Variants in DYM observed in about 807,000 individuals in gnomAD.
DYM encodes the protein dyggve-Melchior-Clausen syndrome protein.
A neutral mutation model predicts 93.1 loss-of-function variants in DYM; 78 were observed. That is an observed-to-expected ratio of 0.84 (90% CI 0.70 to 1.01). The LOEUF is 1.01. Ranked by LOEUF, DYM falls within the 50% of genes least tolerant of loss-of-function variation. The pLI is 0.00. For synonymous variants in DYM, 321 were observed against 319.7 expected (o/e 1.00, Z -0.04); for missense variants, 789 against 845.0 (o/e 0.93, Z 0.82).
intron 14 of DYM, among the ~76,000 whole-genome samples, chr18:49,187,050 G>A (rs910631902): frequency 3.3e-5 from 5 of 151,508 alleles, no homozygotes; most frequent in South Asian, 2.1e-4. Context: ...CGTCCGAGTA[G>A]CTGGGACTAT....
intron 16 of DYM, among the ~76,000 whole-genome samples, chr18:49,102,006 T>G (rs1355936342): frequency 2.6e-5 from 4 of 152,232 alleles, no homozygotes; most frequent in African/African-American, 9.6e-5. Flanking sequence ...TGTAGCATGA[T>G]GCAGTGGTTT....
intron 15 of DYM, among the ~76,000 whole-genome samples, chr18:49,131,140 C>A (rs2083346382): frequency 6.6e-6 from 1 of 152,136 alleles, no homozygotes; most frequent in African/African-American, 2.4e-5. Flanking sequence ...AAAATGCTAA[C>A]CCGAAACAAG....
chr18:49,445,230 G>T (rs1348369044), intron 1 of DYM, among the ~76,000 whole-genome samples: 1 of 151,964 alleles, frequency 6.6e-6, no homozygotes, highest in Non-Finnish European at 1.5e-5. Context: ...TTTATGATTT[G>T]GTCCTTTAGA....
intron 6 of DYM, among the ~76,000 whole-genome samples, chr18:49,334,634 A>G (rs1427529432): frequency 6.6e-6 from 1 of 152,220 alleles, no homozygotes; most frequent in Non-Finnish European, 1.5e-5. Flanking sequence ...AAAAAGAGCA[A>G]TAGCACCAAA....
intron 17 of DYM, among the ~76,000 whole-genome samples, chr18:49,068,145 T>C (rs566682325): frequency 1.3e-5 from 2 of 152,296 alleles, no homozygotes; most frequent in East Asian, 3.9e-4. Context: ...TGTGGACTGA[T>C]ATTAACAGTT....
At chr18:49,138,500 C>T (rs1276022418) in intron 15 of DYM, among the ~76,000 whole-genome samples, 1 of 152,178 alleles carries the variant, frequency 6.6e-6, no homozygotes, top group Non-Finnish European at 1.5e-5. Flanking sequence ...GTCTCTGTTT[C>T]ACTGTAATTT....
chr18:49,280,612 G>T (rs1166915407), intron 10 of DYM, among the ~76,000 whole-genome samples: 1 of 152,192 alleles, frequency 6.6e-6, no homozygotes, highest in Non-Finnish European at 1.5e-5. Flanking sequence ...ATGCTGTCAA[G>T]CCAGCCAGGG....
intron 17 of DYM, among the ~76,000 whole-genome samples, chr18:49,057,053 G>A (rs1268134899): frequency 6.6e-6 from 1 of 152,194 alleles, no homozygotes; most frequent in African/African-American, 2.4e-5. Context: ...TCATATCTCA[G>A]TGTGTTAGCA....
At chr18:49,085,879 A>G (rs2078480741) in intron 17 of DYM, among the ~76,000 whole-genome samples, 2 of 152,194 alleles carry the variant, frequency 1.3e-5, no homozygotes, top group Non-Finnish European at 2.9e-5. Context: ...TGCTGGGATT[A>G]CAGGCATGAG....
intron 13 of DYM, among the ~76,000 whole-genome samples, chr18:49,229,595 G>A (rs916544628): frequency 6.6e-6 from 1 of 152,096 alleles, no homozygotes; most frequent in African/African-American, 2.4e-5. Context: ...TATTAAAATG[G>A]CTTTTACAAA....
At chr18:49,227,190 T>C (rs1598763453) in intron 13 of DYM, among the ~76,000 whole-genome samples, 2 of 152,194 alleles carry the variant, frequency 1.3e-5, no homozygotes, top group East Asian at 3.8e-4. Context: ...TTGTACAAAC[T>C]GCCTCTTGGC....
intron 17 of DYM, among the ~76,000 whole-genome samples, chr18:49,079,854 T>C (rs2077648174): frequency 6.6e-6 from 1 of 151,352 alleles, no homozygotes; most frequent in Non-Finnish European, 1.5e-5. Context: ...TTTCCCCACC[T>C]TCCCCCCCTT....
chr18:49,292,308 A>G (rs1218421860), intron 8 of DYM, among the ~76,000 whole-genome samples: 3 of 96,062 alleles, frequency 3.1e-5, no homozygotes, highest in African/African-American at 9.4e-5. Flanking sequence ...AGACAGACAG[A>G]CAGACAGGCA....
rs1342508234 is a variant in DYM at position 49,118,553 on chromosome 18, TA to T, written c.1911+190del. ...GTATGAAGTATGACTTCAATTGTAT[TA>T]AATATGTATGTGTGTGTATATACAA... On this transcript the variant is annotated intron_variant, in intron 16 of 17. Coordinates refer to ENST00000675505, the MANE Select transcript of DYM (RefSeq NM_001353214.3). 17 of 586,552 alleles carry T rather than the reference TA, an allele frequency of 2.9e-5. No individual in the cohort carries two copies. The Admixed American group carries it at 5.1e-4, about 18-fold the overall frequency. 36.3% of individuals were successfully genotyped at this position (586,552 alleles called of 1,614,324 possible).
At chr18:49,402,001 G>A (rs143869996) in intron 2 of DYM, among the ~76,000 whole-genome samples, 2,045 of 151,092 alleles carry the variant, frequency 0.014, 43 homozygotes, top group African/African-American at 0.047. Flanking sequence ...ACTCCAGCCT[G>A]GGCAACAAGA....
chr18:49,296,566 A>G (rs939893977), intron 8 of DYM, among the ~76,000 whole-genome samples: 1 of 152,198 alleles, frequency 6.6e-6, no homozygotes, highest in Non-Finnish European at 1.5e-5. Context: ...TGTCGGGGGG[A>G]ATAAGAAAAG....
intron 2 of DYM, among the ~76,000 whole-genome samples, chr18:49,392,581 C>G (rs2069391260): frequency 6.8e-6 from 1 of 147,886 alleles, no homozygotes; most frequent in Non-Finnish European, 1.5e-5. Flanking sequence ...ATAGAAATGG[C>G]CAATAAGTAC....
intron 17 of DYM, among the ~76,000 whole-genome samples, chr18:49,066,629 G>C (rs2076409150): frequency 6.6e-6 from 1 of 152,218 alleles, no homozygotes; most frequent in Non-Finnish European, 1.5e-5. Flanking sequence ...GCTTACCTAG[G>C]AGTGGGAGAG....
intron 6 of DYM, among the ~76,000 whole-genome samples, chr18:49,340,725 T>A (rs1316839706): frequency 2.0e-5 from 3 of 152,172 alleles, no homozygotes; most frequent in Admixed American, 6.5e-5. Flanking sequence ...ACAAAAGACA[T>A]GTGCAATAAA....
Sources: gnomAD v4.1 joint callset for allele counts (sites outside exome capture counted in the v4.1 genomes callset) on GRCh38, gnomAD v4.1.1 for gene constraint, MANE v1.5 for transcripts, NCBI Gene and HGNC (gene_info 2026-07-23, HGNC 2026-07-21) for gene names.